CALN1: variants seen among roughly 807,000 people sequenced by gnomAD.
The protein encoded by CALN1 is calcium-binding protein 8.
Under a neutral mutation model 30.6 loss-of-function variants are expected in CALN1, and 17 were observed. That is an observed-to-expected ratio of 0.56 (90% CI 0.38 to 0.83). CALN1 has a LOEUF of 0.83. Ranked by LOEUF, CALN1 falls within the 40% of genes least tolerant of loss-of-function variation. The probability of loss-of-function intolerance (pLI) is 0.00; values close to 1 mark genes in which losing one functional copy is unlikely to be tolerated. For synonymous variants in CALN1, 156 were observed against 131.4 expected (o/e 1.19, Z -1.28); for missense variants, 291 against 354.9 (o/e 0.82, Z 1.45).
chr7:71,810,517 T>C (rs1306360412), intron 5 of CALN1, 25 bp from the exon 6 acceptor site: 1 of 1,605,644 alleles, frequency 6.2e-7, no homozygotes, highest in Non-Finnish European at 8.5e-7. Flanking sequence ...AGTAGTGAGA[T>C]GGTCAGAAGC....
At chr7:72,354,458 T>G (rs534549226) in intron 2 of CALN1, among the ~76,000 whole-genome samples, 2 of 152,286 alleles carry the variant, frequency 1.3e-5, no homozygotes, top group South Asian at 4.1e-4. Context: ...GTTTAAAAAT[T>G]TATATATGTA....
chr7:72,191,771 G>C (rs571034201), intron 3 of CALN1, among the ~76,000 whole-genome samples: 13 of 152,162 alleles, frequency 8.5e-5, no homozygotes, highest in South Asian at 2.1e-4. Flanking sequence ...TGTTCTAGAA[G>C]TCAAAGTCTG....
chr7:71,807,852 G>A (rs1427739486), intron 6 of CALN1, among the ~76,000 whole-genome samples: 4 of 152,112 alleles, frequency 2.6e-5, no homozygotes, highest in Non-Finnish European at 5.9e-5. Flanking sequence ...GAGGTGGGCG[G>A]ATTACGAGGT....
chr7:72,320,352 AGTG>A, intron 2 of CALN1, among the ~76,000 whole-genome samples: 1 of 152,142 alleles, frequency 6.6e-6, no homozygotes, highest in African/African-American at 2.4e-5. Flanking sequence ...TCGAGCCTGA[AGTG>A]CGGGAGGATT....
rs563366298 is a variant in CALN1, at chr7:71,838,486, C to A, written c.502-27994G>T. 5.9e-5 allele frequency among the ~76,000 whole-genome samples: 9 copies of A among 152,212 alleles called. No homozygotes were observed. The East Asian group carries it at 1.5e-3, about 26-fold the overall frequency. On this transcript the variant is annotated intron_variant, in intron 5 of 6. Transcript: ENST00000395275. ...CTATCCCCCAGGCTGGAGTGGGTGG[C>A]ACAATCATAGCTTGAGCCCAGTCTT...
chr7:72,284,903 T>C (rs1346795622), intron 2 of CALN1, among the ~76,000 whole-genome samples: 3 of 152,190 alleles, frequency 2.0e-5, no homozygotes, highest in African/African-American at 7.2e-5. Context: ...AGATTCTGTT[T>C]CTTTGGAGAA....
At chr7:72,249,395 AG>A (rs1795396767) in intron 3 of CALN1, among the ~76,000 whole-genome samples, 1 of 152,222 alleles carries the variant, frequency 6.6e-6, no homozygotes, top group Admixed American at 6.5e-5. Flanking sequence ...TCAGGGCTCA[AG>A]GAAGTCAAGA....
At chr7:71,842,718 G>T (rs1407283419) in intron 5 of CALN1, among the ~76,000 whole-genome samples, 1 of 152,052 alleles carries the variant, frequency 6.6e-6, no homozygotes, top group Non-Finnish European at 1.5e-5. Flanking sequence ...AAATAATAAG[G>T]CCTCTTCAAG....
At chr7:71,873,367 T>C (rs1792059637) in intron 5 of CALN1, among the ~76,000 whole-genome samples, 1 of 152,222 alleles carries the variant, frequency 6.6e-6, no homozygotes. Context: ...TGCCTATACA[T>C]ACAGTCATCA....
At chr7:72,439,155 C>T (rs574894870) in intron 1 of CALN1, among the ~76,000 whole-genome samples, 2 of 152,236 alleles carry the variant, frequency 1.3e-5, no homozygotes, top group East Asian at 1.9e-4. Flanking sequence ...CTTAGCCTCC[C>T]GAGTAGCTGT....
chr7:72,230,342 T>TA (rs3032182), intron 3 of CALN1, among the ~76,000 whole-genome samples: 3,292 of 124,830 alleles, frequency 0.026, 151 homozygotes, highest in African/African-American at 0.091. Context: ...CAATAGATAC[T>TA]AAAAAAAAAA....
chr7:72,499,600 C>T, the CALN1 span, among the ~76,000 whole-genome samples: 2 of 151,882 alleles, frequency 1.3e-5, no homozygotes, highest in African/African-American at 4.8e-5. Context: ...CATGCAGACT[C>T]ATATGCAAAT....
At chr7:72,377,436 C>CGTGTGT (rs138060244) in intron 2 of CALN1, among the ~76,000 whole-genome samples, 32,268 of 142,124 alleles carry the variant, frequency 0.23, 3,891 homozygotes, top group Middle Eastern at 0.31. Context: ...GCCACACTTT[C>CGTGTGT]GTGTGTGTGT....
chr7:72,252,608 C>CAAA (rs71069044), intron 3 of CALN1, among the ~76,000 whole-genome samples: 47,223 of 136,794 alleles, frequency 0.35, 9,031 homozygotes, highest in Middle Eastern at 0.54. Context: ...GACCCTGTCT[C>CAAA]AAAAAAAAAA....
intron 2 of CALN1, among the ~76,000 whole-genome samples, chr7:72,311,264 TTTTAC>T (rs1328732611): frequency 1.3e-5 from 2 of 152,216 alleles, no homozygotes; most frequent in Non-Finnish European, 2.9e-5. Context: ...TAACATTTTA[TTTTAC>T]TTTACTGTAA....
chr7:72,209,091 C>T (rs1792127382), intron 3 of CALN1, among the ~76,000 whole-genome samples: 2 of 139,968 alleles, frequency 1.4e-5, no homozygotes, highest in Middle Eastern at 4.4e-3. Context: ...CCCTTCCCTC[C>T]TTTCTTGTGT....
intron 1 of CALN1, among the ~76,000 whole-genome samples, chr7:72,446,834 C>A (rs1226941391): frequency 6.6e-6 from 1 of 152,166 alleles, no homozygotes; most frequent in Non-Finnish European, 1.5e-5. Flanking sequence ...AGAGCCACCA[C>A]CACCTCCAGA....
intron 1 of CALN1, among the ~76,000 whole-genome samples, chr7:72,409,193 A>C (rs1214648878): frequency 6.6e-6 from 1 of 151,086 alleles, no homozygotes; most frequent in African/African-American, 2.4e-5. Flanking sequence ...ACAGTGTTTC[A>C]CCATCTTGGC....
intron 5 of CALN1, among the ~76,000 whole-genome samples, chr7:71,822,405 T>C (rs1421988969): frequency 6.6e-6 from 1 of 152,158 alleles, no homozygotes; most frequent in East Asian, 1.9e-4. Flanking sequence ...TGTGCCATCA[T>C]GCCCGGCTAA....
Sources: gnomAD v4.1 joint callset for allele counts (sites outside exome capture counted in the v4.1 genomes callset) on GRCh38, gnomAD v4.1.1 for gene constraint, MANE v1.5 for transcripts, NCBI Gene and HGNC (gene_info 2026-07-23, HGNC 2026-07-21) for gene names.